ADAM23: variants seen among roughly 807,000 people sequenced by gnomAD.
The protein encoded by ADAM23 is disintegrin and metalloproteinase domain-containing protein 23.
In ADAM23, 33 loss-of-function variants were observed where a neutral mutation model predicts 120.1. The observed-to-expected ratio is 0.27, with a 90% confidence interval of 0.21 to 0.37. The LOEUF (loss-of-function observed/expected upper bound fraction) is 0.37, where lower values mean the gene tolerates loss of function less well. Among genes scored for constraint, ADAM23 ranks in the 10% least tolerant of loss-of-function variants. The pLI, the probability that ADAM23 is intolerant of heterozygous loss-of-function variation, is 1.00. For missense variants in ADAM23, 862 were observed against 1,058.2 expected (o/e 0.81, Z 2.57); for synonymous variants, 367 against 375.2 (o/e 0.98, Z 0.25).
chr2:206,603,542 G>A (rs933181169), intron 24 of ADAM23, among the ~76,000 whole-genome samples: 4 of 152,140 alleles, frequency 2.6e-5, no homozygotes, highest in African/African-American at 9.7e-5. Context: ...TTTTGAAAAA[G>A]CTTTTTTTCC....
chr2:206,541,208 C>T (rs190744993), intron 4 of ADAM23, among the ~76,000 whole-genome samples: 1 of 150,922 alleles, frequency 6.6e-6, no homozygotes, highest in Non-Finnish European at 1.5e-5. Flanking sequence ...GTACCCAGTA[C>T]AACAAAGGAG....
chr2:206,574,613 G>A (rs892262649), intron 18 of ADAM23, among the ~76,000 whole-genome samples: 1 of 152,026 alleles, frequency 6.6e-6, no homozygotes, highest in African/African-American at 2.4e-5. Context: ...ACAAAATTTG[G>A]ATGGATGCCC....
At chr2:206,598,289 A>G (rs950029725) in intron 24 of ADAM23, among the ~76,000 whole-genome samples, 1 of 152,128 alleles carries the variant, frequency 6.6e-6, no homozygotes, top group Non-Finnish European at 1.5e-5. Flanking sequence ...AGCTAAATTT[A>G]CTTAGACTCT....
At chr2:206,489,352 AG>A (rs996256606) in intron 3 of ADAM23, among the ~76,000 whole-genome samples, 15 of 152,210 alleles carry the variant, frequency 9.9e-5, no homozygotes, top group Non-Finnish European at 2.1e-4. Flanking sequence ...AGAGGGAATC[AG>A]GGAAGGCACT....
At chr2:206,593,533 A>G (rs1056890698) in intron 22 of ADAM23, among the ~76,000 whole-genome samples, 5 of 152,108 alleles carry the variant, frequency 3.3e-5, no homozygotes, top group Non-Finnish European at 7.4e-5. Context: ...TAAATTGGCT[A>G]ATGCTGTCTC....
intron 2 of ADAM23, among the ~76,000 whole-genome samples, chr2:206,449,494 G>A (rs890516751): frequency 2.0e-5 from 3 of 152,290 alleles, no homozygotes; most frequent in East Asian, 1.9e-4. Flanking sequence ...CCTGCTGGGC[G>A]TGGTGGCTCA....
chr2:206,569,329 A>T (rs993317100), intron 15 of ADAM23, among the ~76,000 whole-genome samples: 3 of 152,190 alleles, frequency 2.0e-5, no homozygotes, highest in African/African-American at 7.2e-5. Context: ...TCTATTTTTT[A>T]AAAAGTTAGT....
At chr2:206,449,258 C>T (rs761380856) in intron 2 of ADAM23, among the ~76,000 whole-genome samples, 10 of 152,178 alleles carry the variant, frequency 6.6e-5, no homozygotes, top group Non-Finnish European at 1.0e-4. Context: ...CAAGATCGAT[C>T]GTTTTCACTT....
chr2:206,588,718 A>G (rs1375112017), intron 20 of ADAM23, among the ~76,000 whole-genome samples: 3 of 152,160 alleles, frequency 2.0e-5, no homozygotes, highest in Non-Finnish European at 4.4e-5. Flanking sequence ...CAATAATATC[A>G]GTTCATGAGG....
Position 206,571,763 on chromosome 2 carries a change from TCCAACGGGG to T in ADAM23, c.1605_1613del (p.Asn536_Ala538del). ...ATTATGCTGTAAGAAATGTTCCCTCTCCAACGGGGCTCACTGCAGCGACGGGCCCTGCTG... is the reference window on the plus strand; with the variant it reads ...ATTATGCTGTAAGAAATGTTCCCTCTCTCACTGCAGCGACGGGCCCTGCTG... On this transcript the variant is annotated inframe_deletion, in exon 17 of 26. Coordinates refer to ENST00000264377, the MANE Select transcript of ADAM23 (RefSeq NM_003812.4). 1 of 1,614,132 alleles carries T rather than the reference TCCAACGGGG, an allele frequency of 6.2e-7. No individual in the cohort carries two copies. The highest frequency in any genetic ancestry group is 8.5e-7 in the Non-Finnish European group (1 of 1,180,000).
chr2:206,511,754 T>C (rs1696627924), intron 3 of ADAM23, among the ~76,000 whole-genome samples: 1 of 152,236 alleles, frequency 6.6e-6, no homozygotes, highest in Non-Finnish European at 1.5e-5. Context: ...AGCTTGAAAT[T>C]GGACTAATTT....
At chr2:206,537,281 G>A (rs1697196309) in intron 4 of ADAM23, among the ~76,000 whole-genome samples, 1 of 152,146 alleles carries the variant, frequency 6.6e-6, no homozygotes, top group African/African-American at 2.4e-5. Context: ...TAAGAGTGAA[G>A]GGTTTTTGGC....
At chr2:206,594,084 G>A (rs1294003696) in intron 22 of ADAM23, among the ~76,000 whole-genome samples, 3 of 151,886 alleles carry the variant, frequency 2.0e-5, no homozygotes, top group Non-Finnish European at 2.9e-5. Context: ...TAGCCCAGGA[G>A]CAATAGACTA....
intron 2 of ADAM23, among the ~76,000 whole-genome samples, chr2:206,462,129 C>T (rs1277029640): frequency 2.0e-5 from 3 of 152,068 alleles, no homozygotes; most frequent in African/African-American, 7.2e-5. Flanking sequence ...AACAGGAGTG[C>T]TGGGAGCCTA....
intron 3 of ADAM23, among the ~76,000 whole-genome samples, chr2:206,502,527 G>T (rs565581231): frequency 6.6e-6 from 1 of 152,180 alleles, no homozygotes; most frequent in South Asian, 2.1e-4. Context: ...ATGTTTTGGT[G>T]ATTCTAAGTG....
intron 3 of ADAM23, among the ~76,000 whole-genome samples, chr2:206,494,936 G>A (rs1208730491): frequency 6.6e-6 from 1 of 152,170 alleles, no homozygotes; most frequent in South Asian, 2.1e-4. Flanking sequence ...AGCGTGAAGA[G>A]AAGTTTAGAT....
chr2:206,557,128 C>T (rs1189611611), intron 9 of ADAM23, among the ~76,000 whole-genome samples: 2 of 151,836 alleles, frequency 1.3e-5, no homozygotes, highest in Admixed American at 1.3e-4. Flanking sequence ...CAGGATCTCA[C>T]TGTGTTGCTT....
chr2:206,590,707 T>C (rs988455455), intron 21 of ADAM23, among the ~76,000 whole-genome samples: 3 of 152,198 alleles, frequency 2.0e-5, no homozygotes, highest in African/African-American at 7.2e-5. Context: ...ACCAAAATAA[T>C]AGAGAACAGA....
intron 3 of ADAM23, among the ~76,000 whole-genome samples, chr2:206,511,202 A>G (rs754299738): frequency 6.6e-6 from 1 of 151,238 alleles, no homozygotes; most frequent in Non-Finnish European, 1.5e-5. Flanking sequence ...CTGCCTTTTC[A>G]TGTTCTTTTA....
Sources: gnomAD v4.1 joint callset for allele counts (sites outside exome capture counted in the v4.1 genomes callset) on GRCh38, gnomAD v4.1.1 for gene constraint, MANE v1.5 for transcripts, NCBI Gene and HGNC (gene_info 2026-07-23, HGNC 2026-07-21) for gene names.